The following AKT3 variants were observed in gnomAD, a reference collection of about 807,000 sequenced individuals.
The protein encoded by AKT3 is RAC-gamma serine/threonine-protein kinase.
Under a neutral mutation model 65.3 loss-of-function variants are expected in AKT3, and 15 were observed. That is an observed-to-expected ratio of 0.23 (90% CI 0.15 to 0.35). The LOEUF is 0.35. Among genes scored for constraint, AKT3 ranks in the 10% least tolerant of loss-of-function variants. AKT3 has a pLI of 1.00. For synonymous variants in AKT3, 206 were observed against 183.8 expected (o/e 1.12, Z -0.98); for missense variants, 243 against 576.5 (o/e 0.42, Z 5.92).
At chr1:243,769,459 C>T (rs1690036565) in intron 2 of AKT3, among the ~76,000 whole-genome samples, 1 of 152,150 alleles carries the variant, frequency 6.6e-6, no homozygotes, top group African/African-American at 2.4e-5. Flanking sequence ...ATATCCTCAC[C>T]AACACTGTTT....
In AKT3 at chr1:243,500,302, ACAAT is replaced by A. The variant is rs71703794; in HGVS notation, c.*4943_*4946del. On this transcript the variant is annotated 3_prime_UTR_variant, in exon 14 of 14. Transcript: ENST00000673466. Reference sequence around the variant, plus strand: ...ATTTATTTATCGTCCTACTTTGTGCACAATCAATCAATCAGGAGACACCAGGAAG... The same window carrying A: ...ATTTATTTATCGTCCTACTTTGTGCACAATCAATCAGGAGACACCAGGAAG... The A allele has an allele frequency of 0.33, 73,917 of 225,204 alleles. 15,019 individuals carry two copies. Among genetic ancestry groups the A allele is most frequent in the African/African-American group, 0.63 (27,923 of 44,316 alleles). The allele number at this position is 225,204 out of a possible 1,614,324, so 14.0% of individuals were successfully genotyped here. A position where few individuals can be genotyped will look rare whatever the true frequency, so the allele number is the denominator to read the frequency against.
chr1:243,849,213 C>G (rs1695644744), intron 1 of AKT3, among the ~76,000 whole-genome samples: 1 of 152,246 alleles, frequency 6.6e-6, no homozygotes, highest in African/African-American at 2.4e-5. Context: ...AGAGGCTGGT[C>G]TGTTTACTTG....
chr1:243,774,215 C>T (rs929174006), intron 2 of AKT3, among the ~76,000 whole-genome samples: 9 of 152,154 alleles, frequency 5.9e-5, no homozygotes, highest in Admixed American at 3.3e-4. Context: ...TTATTTTTTA[C>T]ACTGTGAAAT....
chr1:243,772,373 A>G (rs1229524078), intron 2 of AKT3, among the ~76,000 whole-genome samples: 1 of 152,246 alleles, frequency 6.6e-6, no homozygotes, highest in Admixed American at 6.5e-5. Flanking sequence ...AAAAACAGGC[A>G]AAGGATATGA....
chr1:243,608,498 G>T (rs1459071069), intron 8 of AKT3, among the ~76,000 whole-genome samples: 1 of 152,100 alleles, frequency 6.6e-6, no homozygotes, highest in Non-Finnish European at 1.5e-5. Context: ...GATATAAAAA[G>T]ATTTGAGTGT....
intron 12 of AKT3, among the ~76,000 whole-genome samples, chr1:243,534,204 G>A (rs1671747013): frequency 6.6e-6 from 1 of 152,148 alleles, no homozygotes; most frequent in Admixed American, 6.5e-5. Flanking sequence ...AGATAGGCAT[G>A]CTCATAGTAA....
intron 1 of AKT3, among the ~76,000 whole-genome samples, chr1:243,844,699 A>AT (rs913748831): frequency 6.6e-6 from 1 of 152,106 alleles, no homozygotes; most frequent in Non-Finnish European, 1.5e-5. Context: ...CGCTGCACAA[A>AT]TTTTTTTAAA....
At chr1:243,597,568 A>G (rs535591945) in intron 8 of AKT3, among the ~76,000 whole-genome samples, 151 of 152,300 alleles carry the variant, frequency 9.9e-4, no homozygotes, top group Non-Finnish European at 1.9e-3. Flanking sequence ...CAGTCGCATG[A>G]TGGCTCACTG....
intron 9 of AKT3, among the ~76,000 whole-genome samples, chr1:243,568,302 A>T (rs1674318854): frequency 6.6e-6 from 1 of 152,200 alleles, no homozygotes; most frequent in Non-Finnish European, 1.5e-5. Flanking sequence ...TGCTTAATGG[A>T]TGCATCCACT....
At chr1:243,677,854 A>G (rs1683630846) in intron 3 of AKT3, among the ~76,000 whole-genome samples, 1 of 152,190 alleles carries the variant, frequency 6.6e-6, no homozygotes, top group Non-Finnish European at 1.5e-5. Flanking sequence ...TGGGAGACTG[A>G]GGCGGGTGGA....
downstream of AKT3, among the ~76,000 whole-genome samples, chr1:243,495,292 G>A (rs947158018): frequency 1.6e-4 from 25 of 152,292 alleles, no homozygotes; most frequent in African/African-American, 4.8e-4. Flanking sequence ...GCTGTCTTAC[G>A]GAACGTCCCA....
chr1:243,805,378 C>G (rs1692659477), intron 2 of AKT3, among the ~76,000 whole-genome samples: 1 of 152,168 alleles, frequency 6.6e-6, no homozygotes, highest in Non-Finnish European at 1.5e-5. Context: ...TCCTACCACA[C>G]TAGCACGTTC....
chr1:243,625,860 T>C (rs1009440222), intron 6 of AKT3, among the ~76,000 whole-genome samples: 1 of 152,186 alleles, frequency 6.6e-6, no homozygotes, highest in Non-Finnish European at 1.5e-5. Flanking sequence ...TTGTACATGA[T>C]CCAAACACAC....
chr1:243,830,989 G>A (rs1422794828), intron 2 of AKT3, among the ~76,000 whole-genome samples: 1 of 152,084 alleles, frequency 6.6e-6, no homozygotes, highest in African/African-American at 2.4e-5. Context: ...TTCCAGTGCT[G>A]CCCTTACCGA....
intron 2 of AKT3, chr1:243,739,713 G>C (rs1291532683): frequency 1.3e-5 from 2 of 152,292 alleles, no homozygotes; most frequent in East Asian, 3.9e-4. Flanking sequence ...TGCTTACACA[G>C]GTTTTGCAAC....
At chr1:243,829,263 G>T (rs1317466018) in intron 2 of AKT3, among the ~76,000 whole-genome samples, 3 of 151,674 alleles carry the variant, frequency 2.0e-5, no homozygotes, top group African/African-American at 7.3e-5. Flanking sequence ...TATATTTACT[G>T]CTTGGCTCTT....
chr1:243,631,286 T>C (rs1269256476), intron 6 of AKT3, among the ~76,000 whole-genome samples: 1 of 152,202 alleles, frequency 6.6e-6, no homozygotes, highest in Non-Finnish European at 1.5e-5. Context: ...AGGGTGGCAG[T>C]TGCCAAAGGT....
intron 2 of AKT3, among the ~76,000 whole-genome samples, chr1:243,768,999 T>G (rs1409613359): frequency 9.3e-6 from 1 of 107,418 alleles, no homozygotes; most frequent in Non-Finnish European, 2.6e-5. Context: ...TAGCAGTCAT[T>G]CTCCATTCCC....
rs1206282448 is a variant in AKT3, at chr1:243,501,846, T to G, written c.*3403A>C. 2 of 232,750 alleles carry G rather than the reference T, an allele frequency of 8.6e-6. No individual in the cohort carries two copies. The highest frequency in any genetic ancestry group is 1.7e-5 in the Non-Finnish European group (2 of 117,870). The allele number at this position is 232,750 out of a possible 1,614,324, so 14.4% of individuals were successfully genotyped here. Reference sequence around the variant, plus strand: ...CCCTATCATATACGTGTAAAAATACTAAGGATGTACAGTGTACAAAAACAG... The same window carrying G: ...CCCTATCATATACGTGTAAAAATACGAAGGATGTACAGTGTACAAAAACAG... On this transcript the variant is annotated 3_prime_UTR_variant, in exon 14 of 14. Coordinates refer to ENST00000673466, the MANE Select transcript of AKT3 (RefSeq NM_005465.7).
Sources: gnomAD v4.1 joint callset for allele counts (sites outside exome capture counted in the v4.1 genomes callset) on GRCh38, gnomAD v4.1.1 for gene constraint, MANE v1.5 for transcripts, NCBI Gene and HGNC (gene_info 2026-07-23, HGNC 2026-07-21) for gene names.